ZNF560: variants seen among roughly 807,000 people sequenced by gnomAD.
ZNF560 encodes the protein zinc finger protein 560.
ZNF560 carries 54 observed loss-of-function variants against 81.8 expected under a neutral mutation model. The ratio of observed to expected loss-of-function variants is 0.66; its 90% CI spans 0.53 to 0.83. The LOEUF is 0.83. Ranked by LOEUF, ZNF560 falls within the 40% of genes least tolerant of loss-of-function variation. The pLI is 0.00. For synonymous variants in ZNF560, 321 were observed against 317.9 expected (o/e 1.01, Z -0.10); for missense variants, 940 against 932.4 (o/e 1.01, Z -0.11).
intron 5 of ZNF560, among the ~76,000 whole-genome samples, chr19:9,472,031 AC>A (rs1047950657): frequency 2.6e-4 from 40 of 151,920 alleles, no homozygotes; most frequent in African/African-American, 9.7e-4. Context: ...AATGGCATGA[AC>A]CTGGGAGGCA....
At chr19:9,447,003 G>A in the ZNF560 span, among the ~76,000 whole-genome samples, 40 of 152,004 alleles carry the variant, frequency 2.6e-4, no homozygotes, top group South Asian at 4.2e-3. Context: ...GCATGGTGGC[G>A]CGTGCCTATA....
chr19:9,476,385 CG>C (rs1352201035), intron 2 of ZNF560, among the ~76,000 whole-genome samples: 2 of 152,052 alleles, frequency 1.3e-5, no homozygotes, highest in East Asian at 3.9e-4. Flanking sequence ...CTCTGCCTCC[CG>C]GGTTCAAGCA....
intron 2 of ZNF560, among the ~76,000 whole-genome samples, chr19:9,496,387 T>A (rs886296624): frequency 3.3e-5 from 5 of 151,176 alleles, no homozygotes; most frequent in East Asian, 2.0e-4. Flanking sequence ...ATATATATAT[T>A]TTTGTATTTT....
Position 9,467,382 on chromosome 19 carries a change from C to T in ZNF560, c.1565G>A (p.Gly522Glu). Residue 522 changes from glycine (G) to glutamate (E), a missense_variant, in exon 10 of 10, where the codon GGG (glycine) becomes GAG (glutamate). By Grantham distance (98) the Gly-to-Glu change is moderately conservative. Coordinates refer to ENST00000301480, the MANE Select transcript of ZNF560 (RefSeq NM_152476.3). ...ACAGGCAGAAGAGGTAAATGGTTTC[C>T]CACATTTGTAACACTTAAAGGGCTT... ...GEKPFKCYKC[G>E]KPFTSSACLR... The T allele has an allele frequency of 6.2e-7, 1 of 1,614,080 alleles. No homozygotes were observed. The highest frequency in any genetic ancestry group is 8.5e-7 in the Non-Finnish European group (1 of 1,180,006).
the ZNF560 span, among the ~76,000 whole-genome samples, chr19:9,448,069 T>C: frequency 6.6e-6 from 1 of 152,280 alleles, no homozygotes; most frequent in East Asian, 1.9e-4. Context: ...TCATCATTCT[T>C]GAAGAGGAAA....
intron 9 of ZNF560, among the ~76,000 whole-genome samples, chr19:9,468,844 C>G (rs1401835295): frequency 6.6e-6 from 1 of 151,848 alleles, no homozygotes; most frequent in Non-Finnish European, 1.5e-5. Flanking sequence ...ATTCTTCTGC[C>G]TCAGCCTCAC....
At chr19:9,464,814 C>T (rs77973387), downstream of ZNF560, among the ~76,000 whole-genome samples, 5 of 152,208 alleles carry the variant, frequency 3.3e-5, no homozygotes, top group East Asian at 1.9e-4. Context: ...GTGTAAGAAA[C>T]TTCCAAAATA....
At chr19:9,471,185 C>T (rs1241094366) in intron 6 of ZNF560, 111 bp downstream of exon 6, 3 of 733,680 alleles carry the variant, frequency 4.1e-6, no homozygotes, top group Non-Finnish European at 6.4e-6. Context: ...ACATTGCTCC[C>T]TCTTGAGTGA....
At chr19:9,476,436 G>T (rs867762444) in intron 2 of ZNF560, among the ~76,000 whole-genome samples, 22 of 152,194 alleles carry the variant, frequency 1.4e-4, no homozygotes, top group Middle Eastern at 3.4e-3. Context: ...GGGATTACAG[G>T]CACGTGCCAC....
At chr19:9,465,001 T>C (rs1332924353), downstream of ZNF560, among the ~76,000 whole-genome samples, 5 of 152,122 alleles carry the variant, frequency 3.3e-5, no homozygotes, top group African/African-American at 1.2e-4. Flanking sequence ...TTCTCCACTA[T>C]AAAATTACAG....
At chr19:9,493,741 T>G (rs774249412) in intron 2 of ZNF560, among the ~76,000 whole-genome samples, 3 of 152,228 alleles carry the variant, frequency 2.0e-5, no homozygotes, top group Non-Finnish European at 4.4e-5. Context: ...CTGTCTCTTT[T>G]CTATTTCTAT....
intron 3 of ZNF560, among the ~76,000 whole-genome samples, chr19:9,474,671 T>C (rs931366508): frequency 1.3e-5 from 2 of 152,072 alleles, no homozygotes; most frequent in Admixed American, 6.6e-5. Flanking sequence ...TAGCCTTTTT[T>C]TTTGGGAAGC....
chr19:9,462,252 G>C (rs1298987518), downstream of ZNF560, among the ~76,000 whole-genome samples: 1 of 152,204 alleles, frequency 6.6e-6, no homozygotes, highest in African/African-American at 2.4e-5. Flanking sequence ...ACCAGAATGA[G>C]GGCAAGGAAC....
At chr19:9,503,923 T>G in the ZNF560 span, among the ~76,000 whole-genome samples, 2 of 152,212 alleles carry the variant, frequency 1.3e-5, no homozygotes, top group African/African-American at 4.8e-5. Context: ...TACAGAATAA[T>G]TAAACGAAGC....
the ZNF560 span, among the ~76,000 whole-genome samples, chr19:9,455,321 C>G: frequency 2.6e-5 from 4 of 152,206 alleles, no homozygotes; most frequent in African/African-American, 9.7e-5. Context: ...ATGGGACACT[C>G]TTACTCGAGC....
Position 9,469,628 on chromosome 19 carries a change from A to G in ZNF560, c.529+2T>C. 1 of 1,614,042 alleles carries G rather than the reference A, an allele frequency of 6.2e-7. No homozygotes were observed. The highest frequency in any genetic ancestry group is 8.5e-7 in the Non-Finnish European group (1 of 1,179,908). On this transcript the variant is annotated splice_donor_variant, in intron 8 of 9. Coordinates refer to ENST00000301480, the MANE Select transcript of ZNF560 (RefSeq NM_152476.3). LOFTEE classifies it high-confidence loss of function. ...CCAGGGTTGTTCTTCACAAACACTC[A>G]CCTTGGAGAACTCTTGGCAGTGTGC...
rs1488356289 is a variant in ZNF560, at chr19:9,468,023, T to C, written c.924A>G (p.Glu308=). 2 of 1,614,180 alleles carry C rather than the reference T, an allele frequency of 1.2e-6. No homozygotes were observed. Among genetic ancestry groups the C allele is most frequent in the Admixed American group, 1.7e-5 (1 of 60,030 alleles). ...CTCCACTCTGAGTTTTCCTGTGTGC[T>C]TCAAGGTATGACTGATAAATGAAGG... ...GKAFIYQSYL[E]AHRKTQSGEK... The change falls in exon 10 of 10, where the codon GAA becomes GAG. Residue 308 remains glutamate, a synonymous_variant. Transcript: ENST00000301480.
At position 9,474,520 on chromosome 19, in the gene ZNF560, T is replaced by G. The variant is rs16980804; in HGVS notation, c.31-195A>C. On this transcript the variant is annotated intron_variant, in intron 3 of 9. Coordinates refer to ENST00000301480, the MANE Select transcript of ZNF560 (RefSeq NM_152476.3). ...CTCTTTCACTACTTAACAATTCCAG[T>G]TGTATGGCTTTAATGGCACATCTCA... 3.1e-3 allele frequency among the ~76,000 whole-genome samples: 466 copies of G among 152,268 alleles called. 3 individuals carry two copies. Among genetic ancestry groups the G allele is most frequent in the African/African-American group, 0.011 (449 of 41,546 alleles).
In ZNF560 at chr19:9,467,233, A is replaced by G; in HGVS notation, c.1714T>C (p.Tyr572His). The G allele has an allele frequency of 6.2e-7, 1 of 1,614,166 alleles. No individual in the cohort carries two copies. Among genetic ancestry groups the G allele is most frequent in the South Asian group, 1.1e-5 (1 of 91,076 alleles). Residue 572 changes from tyrosine (Y) to histidine (H), a missense_variant, in exon 10 of 10, where the codon TAT becomes CAT. Coordinates refer to ENST00000301480, the MANE Select transcript of ZNF560 (RefSeq NM_152476.3). The stretch of plus-strand genomic sequence containing the variant: ...GCTTTCCCACATTTCATACATTCAT[A>G]GGGTTTCTCTCCAGCGTGTGTTCGT... ...HLRTHAGEKP[Y>H]ECMKCGKAFT...
Sources: allele counts gnomAD v4.1 joint callset (sites outside exome capture counted in the v4.1 genomes callset), GRCh38; gene constraint gnomAD v4.1.1; transcripts MANE v1.5; gene names NCBI Gene and HGNC (gene_info 2026-07-23, HGNC 2026-07-21).